GPC3: variants seen among roughly 807,000 people sequenced by gnomAD.
The protein encoded by GPC3 is glypican 3.
GPC3 carries 3 observed loss-of-function variants against 34.4 expected under a neutral mutation model. That is an observed-to-expected ratio of 0.09 (90% CI 0.04 to 0.23). The LOEUF is 0.23. Ranked by LOEUF, GPC3 falls within the 10% of genes least tolerant of loss-of-function variation. The pLI is 1.00. For missense variants in GPC3, 351 were observed against 445.6 expected (o/e 0.79, Z 1.91); for synonymous variants, 177 against 174.0 (o/e 1.02, Z -0.13).
chrX:133,703,387 T>C (rs1051435684), intron 3 of GPC3, among the ~76,000 whole-genome samples: 6 of 110,848 alleles, frequency 5.4e-5, no homozygotes, highest in Admixed American at 4.8e-4. Flanking sequence ...AGGAAAGCAA[T>C]AGTGCTCTGC....
chrX:133,555,765 C>G (rs922309388), intron 7 of GPC3, among the ~76,000 whole-genome samples: 1 of 108,726 alleles, frequency 9.2e-6, no homozygotes, highest in Admixed American at 9.8e-5. Context: ...GAGGCAGAGA[C>G]TGCAGTGAGC....
At chrX:133,539,675 T>C (rs2069325270) in intron 7 of GPC3, among the ~76,000 whole-genome samples, 1 of 112,311 alleles carries the variant, frequency 8.9e-6, no homozygotes, top group Non-Finnish European at 1.9e-5. Context: ...CTGTGTTCCA[T>C]AAGCTATGGC....
chrX:133,553,890 C>T (rs2069459912), intron 7 of GPC3, among the ~76,000 whole-genome samples: 1 of 111,936 alleles, frequency 8.9e-6, no homozygotes, highest in African/African-American at 3.2e-5. Context: ...AGATCATTTT[C>T]ATTAGCCCAA....
intron 3 of GPC3, among the ~76,000 whole-genome samples, chrX:133,752,835 G>T (rs919856525): frequency 1.8e-5 from 2 of 111,970 alleles, no homozygotes; most frequent in African/African-American, 6.5e-5. Context: ...TGGGTCTTTT[G>T]TGTTTGAAGT....
At chrX:133,789,284 CAAACCTGGA>C (rs1165154427) in intron 2 of GPC3, among the ~76,000 whole-genome samples, 1 of 111,932 alleles carries the variant, frequency 8.9e-6, no homozygotes, top group Non-Finnish European at 1.9e-5. Flanking sequence ...GGTTGGCTGG[CAAACCTGGA>C]AGCATTACCC....
At chrX:133,891,642 A>G (rs1603266909) in intron 2 of GPC3, among the ~76,000 whole-genome samples, 1 of 107,466 alleles carries the variant, frequency 9.3e-6, no homozygotes. Context: ...ATAAATAATT[A>G]TTATAATAAT....
chrX:133,894,677 T>C (rs1362779081), intron 2 of GPC3, among the ~76,000 whole-genome samples: 1 of 111,435 alleles, frequency 9.0e-6, no homozygotes, highest in Non-Finnish European at 1.9e-5. Context: ...CCGTCTCTAC[T>C]AAAAATACAA....
intron 4 of GPC3, among the ~76,000 whole-genome samples, chrX:133,693,394 T>A (rs957272637): frequency 1.8e-5 from 2 of 111,736 alleles, no homozygotes; most frequent in African/African-American, 6.5e-5. Flanking sequence ...TATTAAAATA[T>A]CTATGTAATA....
At chrX:133,668,093 G>A (rs1434177668) in intron 5 of GPC3, among the ~76,000 whole-genome samples, 1 of 107,542 alleles carries the variant, frequency 9.3e-6, no homozygotes, top group African/African-American at 3.4e-5. Context: ...TAGTAGAGAC[G>A]GGGTTTTCAC....
At chrX:133,628,528 C>T (rs369851426) in intron 6 of GPC3, among the ~76,000 whole-genome samples, 6 of 109,956 alleles carry the variant, frequency 5.5e-5, no homozygotes, top group African/African-American at 2.0e-4. Context: ...TGGTGGCACA[C>T]GCCTGTAACC....
At chrX:133,699,347 G>T (rs2071145089) in intron 4 of GPC3, among the ~76,000 whole-genome samples, 1 of 112,087 alleles carries the variant, frequency 8.9e-6, no homozygotes, top group Non-Finnish European at 1.9e-5. Context: ...AAATAGAATG[G>T]GGATAGAGGG....
intron 2 of GPC3, among the ~76,000 whole-genome samples, chrX:133,833,141 G>A: frequency 8.9e-6 from 1 of 112,005 alleles, no homozygotes; most frequent in South Asian, 3.7e-4. Flanking sequence ...GAGGGAAATG[G>A]ATACTGCAGG....
chrX:133,606,756 T>C (rs2070055571), intron 6 of GPC3, among the ~76,000 whole-genome samples: 1 of 111,965 alleles, frequency 8.9e-6, no homozygotes, highest in African/African-American at 3.3e-5. Flanking sequence ...CTGAGTTCCA[T>C]GTTTCTTCTC....
intron 7 of GPC3, among the ~76,000 whole-genome samples, chrX:133,556,815 T>C (rs1484278552): frequency 9.7e-6 from 1 of 103,478 alleles, no homozygotes; most frequent in East Asian, 3.2e-4. Context: ...GAGATATACC[T>C]AATGTAAATG....
chrX:133,535,993 C>A lies in GPC3; in HGVS notation c.*131G>T. On this transcript the variant is annotated 3_prime_UTR_variant, in exon 8 of 8. Coordinates refer to ENST00000370818, the MANE Select transcript of GPC3 (RefSeq NM_004484.4). ...GAAAACATAACACATGGTTAGTCCT[C>A]TACTTCATGGCTGGAGGAGGTATAC... is the stretch of plus-strand genomic sequence containing the variant. 2.0e-6 allele frequency: 1 copy of A among 496,533 alleles called. No individual in the cohort carries two copies. Among genetic ancestry groups the A allele is most frequent in the East Asian group, 3.6e-5 (1 of 28,126 alleles). The allele number at this position is 496,533 out of a possible 1,213,427, so 40.9% of individuals were successfully genotyped here. A position where few individuals can be genotyped will look rare whatever the true frequency, so the allele number is the denominator to read the frequency against.
chrX:133,929,770 T>C (rs907852777), intron 2 of GPC3, among the ~76,000 whole-genome samples: 9 of 112,268 alleles, frequency 8.0e-5, no homozygotes, highest in Non-Finnish European at 1.7e-4. Context: ...GGAGAAAACA[T>C]GGCATTTGAG....
At chrX:133,644,832 G>C (rs1202253073) in intron 6 of GPC3, among the ~76,000 whole-genome samples, 1 of 110,745 alleles carries the variant, frequency 9.0e-6, no homozygotes, top group Non-Finnish European at 1.9e-5. Flanking sequence ...CCAGGCTGGA[G>C]TGCAGTGGCA....
At chrX:133,645,134 A>G (rs1186070742) in intron 6 of GPC3, among the ~76,000 whole-genome samples, 1 of 111,709 alleles carries the variant, frequency 9.0e-6, no homozygotes, top group Non-Finnish European at 1.9e-5. Flanking sequence ...AGGCAGCTTT[A>G]GAGTGGGTCT....
Position 133,555,043 on chromosome X carries a change from C to T in GPC3, c.1574-18750G>A, listed in dbSNP as rs762562320. Among the ~76,000 whole-genome samples, 6 of 112,237 alleles carry T rather than the reference C, an allele frequency of 5.3e-5. No individual in the cohort carries two copies. In the East Asian group the frequency reaches 8.4e-4, roughly 16 times the overall value. On this transcript the variant is annotated intron_variant, in intron 7 of 7. Coordinates refer to ENST00000370818, the MANE Select transcript of GPC3 (RefSeq NM_004484.4). ...GTATCTACAGGGACATGCCACTACA[C>T]CCAGGTATTTTTTCTTTCTTTTTTT...
Sources: gnomAD v4.1 joint callset for allele counts (sites outside exome capture counted in the v4.1 genomes callset) on GRCh38, gnomAD v4.1.1 for gene constraint, MANE v1.5 for transcripts, NCBI Gene and HGNC (gene_info 2026-07-23, HGNC 2026-07-21) for gene names.